The following RPGRIP1 variants were observed in gnomAD, a reference collection of about 807,000 sequenced individuals.
RPGRIP1 encodes the protein X-linked retinitis pigmentosa GTPase regulator-interacting protein 1.
A neutral mutation model predicts 157.9 loss-of-function variants in RPGRIP1; 128 were observed. That is an observed-to-expected ratio of 0.81 (90% CI 0.70 to 0.94). The LOEUF is 0.94. Ranked by LOEUF, RPGRIP1 falls within the 40% of genes least tolerant of loss-of-function variation. The probability of loss-of-function intolerance (pLI) is 0.00; values close to 1 mark genes in which losing one functional copy is unlikely to be tolerated. For missense variants in RPGRIP1, 1,486 were observed against 1,545.8 expected (o/e 0.96, Z 0.65); for synonymous variants, 554 against 571.6 (o/e 0.97, Z 0.44).
At chr14:21,305,785 C>T (rs566211291) in intron 6 of RPGRIP1, among the ~76,000 whole-genome samples, 1 of 152,128 alleles carries the variant, frequency 6.6e-6, no homozygotes, top group East Asian at 1.9e-4. Flanking sequence ...AGCTTGAACC[C>T]GAGAGGCAGG....
chr14:21,307,655 T>C, intron 6 of RPGRIP1, 76 bp from the exon 7 acceptor site: 1 of 913,210 alleles, frequency 1.1e-6, no homozygotes, highest in Non-Finnish European at 1.7e-6. Flanking sequence ...GTATTCTTAC[T>C]AGGGCATAGT....
At chr14:21,325,421 C>G (rs576975900) in intron 16 of RPGRIP1, 38 bp downstream of exon 16, 5 of 1,544,518 alleles carry the variant, frequency 3.2e-6, no homozygotes, top group Non-Finnish European at 4.4e-6. Context: ...TCAGAGGAGC[C>G]TCAGCCAAAC....
chr14:21,307,801 G>T lies in RPGRIP1; in HGVS notation c.871G>T (p.Val291Phe). The stretch of plus-strand genomic sequence containing the variant: ...CTTACATGAAAGAAATGCTTCATTG[G>T]TTATGACAAAAGCACAATTAACAGA... ...KLLHERNASL[V>F]MTKAQLTEVQ... Residue 291 changes from valine to phenylalanine, a missense_variant, in exon 7 of 25, where the codon GTT (valine) becomes TTT (phenylalanine). By Grantham distance (50) the Val-to-Phe change is conservative. Transcript: ENST00000400017. 6.4e-7 allele frequency: 1 copy of T among 1,566,294 alleles called. No homozygotes were observed. Among genetic ancestry groups the T allele is most frequent in the Non-Finnish European group, 8.7e-7 (1 of 1,155,864 alleles).
chr14:21,311,240 A>T lies in RPGRIP1; in HGVS notation c.931-584A>T, dbSNP rs1881528717. Among the ~76,000 whole-genome samples the T allele has an allele frequency of 2.6e-5, 4 of 152,216 alleles. No individual in the cohort carries two copies. The South Asian group carries it at 8.3e-4, about 32-fold the overall frequency. ...GCAACTAATTTAAAGCTAGGGATTA[A>T]TTTGAACCTTGAGAAAATTAAGGCT... On this transcript the variant is annotated intron_variant, in intron 8 of 24. Transcript: ENST00000400017.
At chr14:21,311,514 C>A (rs957255973) in intron 8 of RPGRIP1, among the ~76,000 whole-genome samples, 1 of 151,826 alleles carries the variant, frequency 6.6e-6, no homozygotes, top group African/African-American at 2.4e-5. Context: ...CACTATTGCA[C>A]TCCAGCCTGG....
intron 1 of RPGRIP1, among the ~76,000 whole-genome samples, chr14:21,286,139 G>A (rs553338148): frequency 1.1e-4 from 16 of 152,058 alleles, no homozygotes; most frequent in African/African-American, 1.4e-4. Context: ...AAAGGCACCC[G>A]CCACCACGCC....
intron 11 of RPGRIP1, among the ~76,000 whole-genome samples, chr14:21,319,061 A>G (rs1420544287): frequency 6.6e-6 from 1 of 152,166 alleles, no homozygotes; most frequent in African/African-American, 2.4e-5. Flanking sequence ...GTTTTAGTGT[A>G]TTCAAATAGG....
intron 3 of RPGRIP1, among the ~76,000 whole-genome samples, chr14:21,296,631 A>G (rs1334286019): frequency 2.0e-5 from 3 of 151,566 alleles, no homozygotes; most frequent in Non-Finnish European, 2.9e-5. Context: ...GATTACAGGC[A>G]TGACCCATCG....
In RPGRIP1 at chr14:21,328,497, GAGAA is replaced by G. The variant is rs761354030; in HGVS notation, c.2976_2979del (p.Lys993ArgfsTer7). 1 of 1,613,698 alleles carries G rather than the reference GAGAA, an allele frequency of 6.2e-7. No homozygotes were observed. The highest frequency in any genetic ancestry group is 8.5e-7 in the Non-Finnish European group (1 of 1,179,812). On this transcript the variant is annotated frameshift_variant, in exon 19 of 25. Transcript: ENST00000400017. LOFTEE classifies it high-confidence loss of function. ...TCTAAGAGAAAACCTCCTCATGGGG[GAGAA>G]AGAAAGGAGAAGGAGCACCAGGTTG...
At chr14:21,337,753 A>ATTT (rs60322777) in intron 21 of RPGRIP1, among the ~76,000 whole-genome samples, 9 of 98,292 alleles carry the variant, frequency 9.2e-5, no homozygotes, top group African/African-American at 2.2e-4. Context: ...TAGGTTAAGC[A>ATTT]TTTTTTTTTT....
chr14:21,344,937 G>C, intron 22 of RPGRIP1, among the ~76,000 whole-genome samples, 176 bp from the exon 23 acceptor site: 1 of 151,988 alleles, frequency 6.6e-6, no homozygotes, highest in Non-Finnish European at 1.5e-5. Flanking sequence ...GTAAGAATCT[G>C]TCACACACAC....
At position 21,304,389 on chromosome 14, in the gene RPGRIP1, G is replaced by GAA. The variant is rs1555365552; in HGVS notation, c.800+847_800+848insAA. ...AAGGAAGGGAGGGAGGAAGGAGAGAGAGAAAGAAAGAAAGAAAGAAAGAAA... is the reference window on the plus strand; with the variant it reads ...AAGGAAGGGAGGGAGGAAGGAGAGAGAAAGAAAGAAAGAAAGAAAGAAAGAAA... On this transcript the variant is annotated intron_variant, in intron 6 of 24. Coordinates refer to ENST00000400017, the MANE Select transcript of RPGRIP1 (RefSeq NM_020366.4). 1.3e-3 allele frequency among the ~76,000 whole-genome samples: 153 copies of GAA among 121,024 alleles called. 1 individual carries two copies. Among genetic ancestry groups the GAA allele is most frequent in the African/African-American group, 4.3e-3 (142 of 32,886 alleles). 79.4% of individuals were successfully genotyped at this position (121,024 alleles called of 152,430 possible). A position where few individuals can be genotyped will look rare whatever the true frequency, so the allele number is the denominator to read the frequency against.
Position 21,311,722 on chromosome 14 carries a change from T to A in RPGRIP1, c.931-102T>A. ...GTAATAAGCTATTAATCAAAGTCATTCTTTGTGACATCTGTTAGAGAATGC... is the reference window on the plus strand; with the variant it reads ...GTAATAAGCTATTAATCAAAGTCATACTTTGTGACATCTGTTAGAGAATGC... On this transcript the variant is annotated intron_variant, in intron 8 of 24. Coordinates refer to ENST00000400017, the MANE Select transcript of RPGRIP1 (RefSeq NM_020366.4). The A allele has an allele frequency of 3.3e-6, 3 of 902,466 alleles. No individual in the cohort carries two copies. The East Asian group carries it at 8.0e-5, about 24-fold the overall frequency. The allele number at this position is 902,466 out of a possible 1,614,324, so 55.9% of individuals were successfully genotyped here.
chr14:21,285,253 C>G (rs1031130398), intron 1 of RPGRIP1, among the ~76,000 whole-genome samples: 11 of 151,818 alleles, frequency 7.2e-5, no homozygotes, highest in Non-Finnish European at 2.9e-5. Context: ...AGAAAGGCCT[C>G]CTGGCAAATG....
chr14:21,288,731 C>T (rs1201729242), intron 2 of RPGRIP1, among the ~76,000 whole-genome samples: 1 of 151,878 alleles, frequency 6.6e-6, no homozygotes, highest in Non-Finnish European at 1.5e-5. Flanking sequence ...CCAGGCTGAT[C>T]TCGAACTCCT....
chr14:21,301,103 C>G lies in RPGRIP1; in HGVS notation c.356C>G (p.Pro119Arg). The change falls in exon 4 of 25, where the codon CCC becomes CGC. Residue 119 changes from proline (P) to arginine (R), a missense_variant. Pro to Arg is a moderately radical substitution (Grantham distance 103). Transcript: ENST00000400017. ...WRQRLSMHQR[P>R]QMHRLQGHFH... Reference sequence around the variant, plus strand: ...CAGCGCCTCTCCATGCACCAGCGCCCCCAGATGCACCGACTGCAAGGGCAT... The same window carrying G: ...CAGCGCCTCTCCATGCACCAGCGCCGCCAGATGCACCGACTGCAAGGGCAT... The G allele has an allele frequency of 6.2e-7, 1 of 1,611,068 alleles. No individual in the cohort carries two copies. The highest frequency in any genetic ancestry group is 8.5e-7 in the Non-Finnish European group (1 of 1,178,672).
chr14:21,337,753 ATT>A (rs60322777), intron 21 of RPGRIP1, among the ~76,000 whole-genome samples: 240 of 98,256 alleles, frequency 2.4e-3, no homozygotes, highest in Middle Eastern at 9.1e-3. Context: ...TAGGTTAAGC[ATT>A]TTTTTTTTTT....
At chr14:21,304,393 A>G (rs1356010724) in intron 6 of RPGRIP1, among the ~76,000 whole-genome samples, 12 of 59,900 alleles carry the variant, frequency 2.0e-4, no homozygotes, top group African/African-American at 4.2e-4. Context: ...GAGAGAGAGA[A>G]AGAAAGAAAG....
Position 21,340,609 on chromosome 14 carries a change from C to T in RPGRIP1, c.3340-2427C>T, listed in dbSNP as rs545611731. On this transcript the variant is annotated intron_variant, in intron 21 of 24. Coordinates refer to ENST00000400017, the MANE Select transcript of RPGRIP1 (RefSeq NM_020366.4). The stretch of plus-strand genomic sequence containing the variant: ...GTCAGAGGTTGCAGTGAGCCGACGT[C>T]GCACCGTTGCACTCCAGCCTGGGCA... 2.4e-3 allele frequency among the ~76,000 whole-genome samples: 363 copies of T among 152,200 alleles called. 3 individuals are homozygous for T. Among genetic ancestry groups the T allele is most frequent in the African/African-American group, 8.3e-3 (345 of 41,526 alleles).
Sources: gnomAD v4.1 joint callset for allele counts (sites outside exome capture counted in the v4.1 genomes callset) on GRCh38, gnomAD v4.1.1 for gene constraint, MANE v1.5 for transcripts, NCBI Gene and HGNC (gene_info 2026-07-23, HGNC 2026-07-21) for gene names.